Variants in TLN2 observed in about 807,000 individuals in gnomAD.
TLN2 encodes the protein talin 2.
TLN2 carries 118 observed loss-of-function variants against 294.7 expected under a neutral mutation model. That is an observed-to-expected ratio of 0.40 (90% CI 0.34 to 0.47). TLN2 has a LOEUF of 0.47. Among genes scored for constraint, TLN2 ranks in the 20% least tolerant of loss-of-function variants. TLN2 has a pLI of 0.84. For missense variants in TLN2, 3,083 were observed against 3,282.2 expected, an observed-to-expected ratio of 0.94 and a Z score of 1.48; for synonymous variants, 1,431 against 1,304.5, an observed-to-expected ratio of 1.10 and a Z score of -2.09.
At chr15:62,825,865 T>A (rs1596145533) in intron 54 of TLN2, among the ~76,000 whole-genome samples, 1 of 96,532 alleles carries the variant, frequency 1.0e-5, no homozygotes, top group Admixed American at 1.6e-4. Context: ...TATATATATA[T>A]ATTTATATAT....
At chr15:62,657,733 C>G (rs776970078) in intron 8 of TLN2, 38 bp from the exon 9 acceptor site, 16 of 1,602,108 alleles carry the variant, frequency 1.0e-5, no homozygotes, top group Non-Finnish European at 1.4e-5. Context: ...TGTCACTCCC[C>G]GAAGCCTCTG....
chr15:62,574,272 G>C (rs1274996965), intron 1 of TLN2, among the ~76,000 whole-genome samples: 6 of 151,580 alleles, frequency 4.0e-5, no homozygotes, highest in Non-Finnish European at 4.4e-5. Flanking sequence ...CTTCAACCTG[G>C]AAGGCTTTTA....
intron 50 of TLN2, among the ~76,000 whole-genome samples, chr15:62,804,514 C>G (rs1277807051): frequency 6.6e-6 from 1 of 152,148 alleles, no homozygotes; most frequent in Non-Finnish European, 1.5e-5. Context: ...GGAAGACTCA[C>G]TTTAGCCCAG....
At chr15:62,421,540 T>G (rs1308403452) in intron 1 of TLN2, among the ~76,000 whole-genome samples, 2 of 152,140 alleles carry the variant, frequency 1.3e-5, no homozygotes, top group African/African-American at 4.8e-5. Context: ...CAGGTGGAGC[T>G]GGAGGCCATT....
intron 2 of TLN2, among the ~76,000 whole-genome samples, chr15:62,600,550 C>G (rs1301611416): frequency 6.6e-6 from 1 of 152,150 alleles, no homozygotes; most frequent in Non-Finnish European, 1.5e-5. Context: ...ACTGACAAGC[C>G]CAGGGCACTA....
At chr15:62,739,206 G>T in intron 30 of TLN2, 142 bp from the exon 31 acceptor site, 1 of 841,254 alleles carries the variant, frequency 1.2e-6, no homozygotes, top group Non-Finnish European at 1.8e-6. Context: ...TTAATAAAAT[G>T]GGCTCAGATG....
At chr15:62,504,406 A>C (rs1020710590) in intron 1 of TLN2, among the ~76,000 whole-genome samples, 3 of 152,242 alleles carry the variant, frequency 2.0e-5, no homozygotes, top group Non-Finnish European at 2.9e-5. Context: ...TGGAGGGCTT[A>C]CACTACCTGA....
intron 45 of TLN2, among the ~76,000 whole-genome samples, chr15:62,790,858 C>G (rs1321655873): frequency 6.6e-6 from 1 of 152,242 alleles, no homozygotes; most frequent in Non-Finnish European, 1.5e-5. Context: ...CAGCGGCAGC[C>G]ATACTACTAC....
intron 2 of TLN2, among the ~76,000 whole-genome samples, chr15:62,609,595 T>A (rs1372824262): frequency 2.6e-5 from 4 of 152,216 alleles, no homozygotes; most frequent in Non-Finnish European, 2.9e-5. Flanking sequence ...TTCCACATTC[T>A]TGAATTCAGC....
chr15:62,690,978 C>T (rs1003802722), intron 12 of TLN2, among the ~76,000 whole-genome samples: 9 of 145,270 alleles, frequency 6.2e-5, no homozygotes, highest in Non-Finnish European at 1.2e-4. Flanking sequence ...AGTCCAGCTT[C>T]GGCTCGGCAT....
intron 28 of TLN2, among the ~76,000 whole-genome samples, chr15:62,728,026 T>A (rs2060529589): frequency 6.6e-6 from 1 of 152,108 alleles, no homozygotes; most frequent in African/African-American, 2.4e-5. Context: ...AATGGATACC[T>A]TCATAAGGTC....
At chr15:62,498,557 A>T (rs16945167) in intron 1 of TLN2, among the ~76,000 whole-genome samples, 9,833 of 152,204 alleles carry the variant, frequency 0.065, 632 homozygotes, top group African/African-American at 0.17. Context: ...TTCATTTGCC[A>T]AGGGATATTT....
Position 62,702,103 on chromosome 15 carries a change from A to C in TLN2, c.1808A>C (p.Asp603Ala). The change falls in exon 18 of 59, where the codon GAT (aspartate) becomes GCT (alanine). Residue 603 changes from aspartate to alanine, a missense_variant. Asp to Ala is a moderately radical substitution (Grantham distance 126). Transcript: ENST00000636159. ...GVKLLAALMD[D>A]EVGSGEDLLR... ...AAGCTATTGGCCGCCCTCATGGATG[A>C]TGAGGTGGGCAGCGGGGAGGACTTG... 1 of 1,614,164 alleles carries C rather than the reference A, an allele frequency of 6.2e-7. No individual in the cohort carries two copies. Among genetic ancestry groups the C allele is most frequent in the Non-Finnish European group, 8.5e-7 (1 of 1,180,040 alleles).
chr15:62,839,927 T>G (rs2070412298), intron 58 of TLN2, among the ~76,000 whole-genome samples: 1 of 152,316 alleles, frequency 6.6e-6, no homozygotes, highest in Non-Finnish European at 1.5e-5. Context: ...CTGACTTTGC[T>G]TTTTTGAACA....
intron 1 of TLN2, among the ~76,000 whole-genome samples, chr15:62,416,867 C>T (rs1162481727): frequency 6.6e-6 from 1 of 152,142 alleles, no homozygotes; most frequent in Non-Finnish European, 1.5e-5. Flanking sequence ...CCTCAGGATT[C>T]TCACCTGAAA....
chr15:62,711,571 G>A (rs1190566558), intron 21 of TLN2, among the ~76,000 whole-genome samples: 1 of 152,190 alleles, frequency 6.6e-6, no homozygotes, highest in Non-Finnish European at 1.5e-5. Context: ...AGTGAAGAAA[G>A]CAATGTTTTC....
intron 1 of TLN2, among the ~76,000 whole-genome samples, chr15:62,508,429 C>G (rs1402021504): frequency 1.3e-5 from 2 of 152,122 alleles, no homozygotes; most frequent in African/African-American, 4.8e-5. Flanking sequence ...CTTGGCCAGG[C>G]TGGTCTCGAA....
intron 3 of TLN2, among the ~76,000 whole-genome samples, chr15:62,633,149 A>G (rs1399635853): frequency 6.6e-6 from 1 of 152,204 alleles, no homozygotes; most frequent in African/African-American, 2.4e-5. Context: ...GCACGGTGGT[A>G]TTATAGCAAG....
chr15:62,504,952 TTTG>T (rs35153560), intron 1 of TLN2, among the ~76,000 whole-genome samples: 12 of 151,278 alleles, frequency 7.9e-5, no homozygotes, highest in African/African-American at 2.4e-4. Context: ...GAAACATGTT[TTTG>T]TTGTTGTTGT....
Sources: gnomAD v4.1 joint callset for allele counts (sites outside exome capture counted in the v4.1 genomes callset) on GRCh38, gnomAD v4.1.1 for gene constraint, MANE v1.5 for transcripts, NCBI Gene and HGNC (gene_info 2026-07-23, HGNC 2026-07-21) for gene names.